ZSWIM6: variants seen among roughly 807,000 people sequenced by gnomAD.
ZSWIM6 encodes zinc finger SWIM-type containing 6.
Under a neutral mutation model 113.2 loss-of-function variants are expected in ZSWIM6, and 9 were observed. The ratio of observed to expected loss-of-function variants is 0.08; its 90% CI spans 0.05 to 0.14. The LOEUF is 0.14. Ranked by LOEUF, ZSWIM6 falls within the 10% of genes least tolerant of loss-of-function variation. ZSWIM6 has a pLI of 1.00. For missense variants in ZSWIM6, 1,162 were observed against 1,552.2 expected (o/e 0.75, Z 4.22); for synonymous variants, 611 against 606.5 (o/e 1.01, Z -0.11).
At chr5:61,494,536 A>G (rs1748269928) in intron 4 of ZSWIM6, 126 bp downstream of exon 4, 2 of 1,247,964 alleles carry the variant, frequency 1.6e-6, no homozygotes, top group Admixed American at 4.3e-5. Flanking sequence ...CGTGTTGCCA[A>G]TATATAGGTT....
At chr5:61,415,395 C>T (rs1407596835) in intron 1 of ZSWIM6, among the ~76,000 whole-genome samples, 1 of 152,096 alleles carries the variant, frequency 6.6e-6, no homozygotes, top group Non-Finnish European at 1.5e-5. Flanking sequence ...GAGATCGAGG[C>T]CATCCTGGCC....
chr5:61,444,019 C>T (rs539432080), intron 1 of ZSWIM6, among the ~76,000 whole-genome samples: 7 of 151,764 alleles, frequency 4.6e-5, no homozygotes, highest in East Asian at 1.9e-4. Context: ...CATACGTATA[C>T]GTGTGCCATG....
At chr5:61,501,361 A>G (rs1390763640) in intron 4 of ZSWIM6, among the ~76,000 whole-genome samples, 12 of 152,214 alleles carry the variant, frequency 7.9e-5, no homozygotes, top group African/African-American at 2.4e-4. Flanking sequence ...CTTGCTGTGT[A>G]CTGCTATCAA....
At position 61,375,534 on chromosome 5, in the gene ZSWIM6, A is replaced by G. The variant is rs558932268; in HGVS notation, c.676+42586A>G. On this transcript the variant is annotated intron_variant, in intron 1 of 13. Coordinates refer to ENST00000252744, the MANE Select transcript of ZSWIM6 (RefSeq NM_020928.2). ...AGAAAAAGAAGAACCGTTCACATAA[A>G]TCTTCTGAAAGCTCCATGTCAGAAA... The G allele has an allele frequency of 2.6e-4, 407 of 1,551,034 alleles. 4 individuals are homozygous for G. The South Asian group carries it at 4.4e-3, about 17-fold the overall frequency.
At chr5:61,359,160 A>T (rs774041394) in intron 1 of ZSWIM6, among the ~76,000 whole-genome samples, 1 of 152,144 alleles carries the variant, frequency 6.6e-6, no homozygotes, top group Admixed American at 6.6e-5. Flanking sequence ...CTGCAGTGGG[A>T]GTGGATCAGA....
At chr5:61,371,901 G>A (rs1745272168) in intron 1 of ZSWIM6, among the ~76,000 whole-genome samples, 1 of 152,152 alleles carries the variant, frequency 6.6e-6, no homozygotes, top group Non-Finnish European at 1.5e-5. Flanking sequence ...AGAATTTACA[G>A]ATTGGACATT....
At chr5:61,478,061 T>G (rs1747751984) in intron 2 of ZSWIM6, among the ~76,000 whole-genome samples, 1 of 152,232 alleles carries the variant, frequency 6.6e-6, no homozygotes, top group Non-Finnish European at 1.5e-5. Flanking sequence ...GCAACCAGTT[T>G]TTGCAGGTAT....
chr5:61,391,030 T>C (rs1745696858), intron 1 of ZSWIM6: 2 of 748,044 alleles, frequency 2.7e-6, no homozygotes, highest in Non-Finnish European at 4.9e-6. Flanking sequence ...ATAGATCTTG[T>C]TGATCTCAGT....
chr5:61,521,360 C>A lies in ZSWIM6; in HGVS notation c.1431C>A (p.Val477=). 6.5e-7 allele frequency: 1 copy of A among 1,531,990 alleles called. No individual in the cohort carries two copies. 94.9% of individuals were successfully genotyped at this position (1,531,990 alleles called of 1,614,324 possible). A position where few individuals can be genotyped will look rare whatever the true frequency, so the allele number is the denominator to read the frequency against. ...KQLKKWNSVD[V]CPWEDGNHGS... is the part of the protein sequence containing the mutation. ...TGAAGAAATGGAATAGTGTTGATGT[C>A]TGTCCATGGGAAGATGGAAATCATG... is the stretch of plus-strand genomic sequence containing the variant. Residue 477 remains valine, a synonymous_variant, in exon 5 of 14, where the codon GTC becomes GTA. Coordinates refer to ENST00000252744, the MANE Select transcript of ZSWIM6 (RefSeq NM_020928.2).
intron 1 of ZSWIM6, among the ~76,000 whole-genome samples, chr5:61,382,145 TC>T (rs1390916008): frequency 6.6e-6 from 1 of 152,224 alleles, no homozygotes; most frequent in African/African-American, 2.4e-5. Flanking sequence ...TGATGGCTGG[TC>T]CTGCATGCTG....
At chr5:61,423,971 A>G (rs1282515000) in intron 1 of ZSWIM6, among the ~76,000 whole-genome samples, 2 of 152,100 alleles carry the variant, frequency 1.3e-5, no homozygotes, top group African/African-American at 2.4e-5. Flanking sequence ...CTGTGTCCTT[A>G]AATTCCTGTG....
chr5:61,520,391 A>G (rs759445564), intron 4 of ZSWIM6, among the ~76,000 whole-genome samples: 8 of 152,184 alleles, frequency 5.3e-5, no homozygotes, highest in Non-Finnish European at 1.0e-4. Context: ...TTCTTCGAAG[A>G]ATGTAGAAAG....
At chr5:61,485,255 C>T (rs1382826684) in intron 2 of ZSWIM6, among the ~76,000 whole-genome samples, 2 of 152,138 alleles carry the variant, frequency 1.3e-5, no homozygotes, top group African/African-American at 4.8e-5. Flanking sequence ...TTGGTCTCTC[C>T]AACTCTTCCT....
chr5:61,338,164 G>GTT (rs10559419), intron 1 of ZSWIM6, among the ~76,000 whole-genome samples: 1 of 145,278 alleles, frequency 6.9e-6, no homozygotes, highest in Non-Finnish European at 1.5e-5. Flanking sequence ...AGTTTTGTGT[G>GTT]TTTTTTTTTT....
At chr5:61,501,762 A>T (rs1421856007) in intron 4 of ZSWIM6, among the ~76,000 whole-genome samples, 1 of 152,206 alleles carries the variant, frequency 6.6e-6, no homozygotes, top group African/African-American at 2.4e-5. Flanking sequence ...AATCGATTCC[A>T]GTTACTTTCT....
At chr5:61,333,669 C>T (rs140017489) in intron 1 of ZSWIM6, among the ~76,000 whole-genome samples, 2,057 of 152,226 alleles carry the variant, frequency 0.014, 20 homozygotes, top group South Asian at 0.031. Flanking sequence ...GGACCGGACT[C>T]CGTCTCCGGA....
intron 10 of ZSWIM6, among the ~76,000 whole-genome samples, chr5:61,537,833 G>A (rs867692770): frequency 2.0e-5 from 3 of 152,312 alleles, no homozygotes; most frequent in Middle Eastern, 6.8e-3. Flanking sequence ...TTTGATGGTT[G>A]TAAATAAATT....
rs553418522 is a variant in ZSWIM6 at position 61,531,479 on chromosome 5, T to C, written c.1999T>C (p.Cys667Arg). 5 of 1,551,514 alleles carry C rather than the reference T, an allele frequency of 3.2e-6. No individual in the cohort carries two copies. The Admixed American group carries it at 5.9e-5, about 18-fold the overall frequency. ...GCATTTTGCAGAGAATATGGGACAG[T>C]GCAAGTCTCTGGAATACCAGCATCT... ...FSDFTENMGQ[C>R]KSLEYQHLPA... The change falls in exon 9 of 14, where the codon TGC (cysteine) becomes CGC (arginine). Residue 667 changes from cysteine (C) to arginine (R), a missense_variant. Cys to Arg is a radical substitution (Grantham distance 180). Around this residue, in one of 4 missense-constraint regions of ZSWIM6, gnomAD observed 620 missense variants for 804.6 expected, o/e 0.77. Transcript: ENST00000252744.
At position 61,357,260 on chromosome 5, in the gene ZSWIM6, G is replaced by A. The variant is rs766988745; in HGVS notation, c.676+24312G>A. Among the ~76,000 whole-genome samples the A allele has an allele frequency of 3.9e-5, 6 of 152,252 alleles. No individual in the cohort carries two copies. In the East Asian group the frequency reaches 1.2e-3, roughly 29 times the overall value. On this transcript the variant is annotated intron_variant, in intron 1 of 13. Coordinates refer to ENST00000252744, the MANE Select transcript of ZSWIM6 (RefSeq NM_020928.2). The stretch of plus-strand genomic sequence containing the variant: ...TCAGTGCAGGGTATTGGTTATTCAG[G>A]TTATGCAGCTGAAACAGCAAGGTAG...
Sources: gnomAD v4.1 joint callset for allele counts (sites outside exome capture counted in the v4.1 genomes callset) on GRCh38, gnomAD v4.1.1 for gene constraint, gnomAD v4.1.1 regional missense constraint, MANE v1.5 for transcripts, NCBI Gene and HGNC (gene_info 2026-07-23, HGNC 2026-07-21) for gene names.